The following TRPM6 variants were observed in gnomAD, a reference collection of about 807,000 sequenced individuals.
TRPM6 encodes the protein channel kinase 2.
TRPM6 carries 111 observed loss-of-function variants against 247.6 expected under a neutral mutation model. The ratio of observed to expected loss-of-function variants is 0.45; its 90% CI spans 0.38 to 0.52. The LOEUF (loss-of-function observed/expected upper bound fraction) is 0.52. Ranked by LOEUF, TRPM6 falls within the 20% of genes least tolerant of loss-of-function variation. The pLI, the probability that TRPM6 is intolerant of heterozygous loss-of-function variation, is 0.00. For synonymous variants in TRPM6, 892 were observed against 853.8 expected, an observed-to-expected ratio of 1.04 and a Z score of -0.78; for missense variants, 2,126 against 2,421.5, an observed-to-expected ratio of 0.88 and a Z score of 2.56.
intron 25 of TRPM6, among the ~76,000 whole-genome samples, chr9:74,764,678 G>C (rs1320458889): frequency 3.3e-5 from 5 of 152,184 alleles, no homozygotes; most frequent in Non-Finnish European, 7.3e-5. Context: ...AACTTCATGA[G>C]TGATGGAATA....
At chr9:74,810,368 G>T (rs913596442) in intron 13 of TRPM6, among the ~76,000 whole-genome samples, 6 of 152,140 alleles carry the variant, frequency 3.9e-5, no homozygotes, top group African/African-American at 1.4e-4. Context: ...TGACTGCCTA[G>T]AACAATGCAG....
chr9:74,837,532 C>T (rs1204358715), intron 5 of TRPM6, among the ~76,000 whole-genome samples: 6 of 151,940 alleles, frequency 3.9e-5, no homozygotes, highest in East Asian at 3.9e-4. Flanking sequence ...CTGCAACCTC[C>T]GCCTCCTGGG....
intron 5 of TRPM6, among the ~76,000 whole-genome samples, chr9:74,839,407 G>A (rs541142452): frequency 4.1e-4 from 63 of 152,196 alleles, no homozygotes; most frequent in African/African-American, 1.5e-3. Context: ...TGATTGAGAC[G>A]GTGAGTGTTT....
chr9:74,832,455 T>C (rs2118109626), intron 6 of TRPM6, among the ~76,000 whole-genome samples: 1 of 152,316 alleles, frequency 6.6e-6, no homozygotes, highest in African/African-American at 2.4e-5. Flanking sequence ...TTGACTAGAC[T>C]GGATAGTCAG....
In TRPM6 at chr9:74,858,952, G is replaced by A. The variant is rs569801878; in HGVS notation, c.34-204C>T. 5.7e-4 allele frequency among the ~76,000 whole-genome samples: 87 copies of A among 152,270 alleles called. 1 individual carries two copies. Among genetic ancestry groups the A allele is most frequent in the Admixed American group, 5.2e-3 (79 of 15,286 alleles). ...GCCAAATGTGAACATTAAACGACAC[G>A]CAAAGTGAATATGCCCATAATCTCA... is the stretch of plus-strand genomic sequence containing the variant. On this transcript the variant is annotated intron_variant, in intron 1 of 38. Transcript: ENST00000360774.
chr9:74,765,090 T>C (rs72730942), intron 25 of TRPM6, among the ~76,000 whole-genome samples: 2,672 of 152,286 alleles, frequency 0.018, 40 homozygotes, highest in Non-Finnish European at 0.023. Context: ...AAAGGAAACA[T>C]AATCTTACTA....
intron 16 of TRPM6, 124 bp downstream of exon 16, chr9:74,801,774 G>C: frequency 8.4e-7 from 1 of 1,190,772 alleles, no homozygotes; most frequent in Non-Finnish European, 1.2e-6. Flanking sequence ...TTTAACAGGA[G>C]AGTCCATAAA....
In TRPM6 at chr9:74,752,303, T is replaced by G. The variant is rs779828405; in HGVS notation, c.4972A>C (p.Ser1658Arg). Residue 1658 changes from serine to arginine, a missense_variant, in exon 29 of 39, where the codon AGT becomes CGT. This residue lies in a region of TRPM6 where 717 missense variants were observed against 715.9 expected (regional missense o/e 1.00). Transcript: ENST00000360774. ...TCTTGAGACTGCTTTAGGTAATCACTGATTTGTATAGCACATTGTCCAATT... is the reference window on the plus strand; with the variant it reads ...TCTTGAGACTGCTTTAGGTAATCACGGATTTGTATAGCACATTGTCCAATT... ...KEIGQCAIQI[S>R]DYLKQSQEDL... The G allele has an allele frequency of 6.2e-7, 1 of 1,600,758 alleles. No homozygotes were observed. The highest frequency in any genetic ancestry group is 1.3e-5 in the African/African-American group (1 of 74,904).
chr9:74,816,996 T>C (rs1385889013), intron 9 of TRPM6, 32 bp from the exon 10 acceptor site: 1 of 1,569,824 alleles, frequency 6.4e-7, no homozygotes, highest in Admixed American at 1.7e-5. Context: ...AGCCATACAT[T>C]TGGGGAACTA....
At chr9:74,788,503 C>T (rs1827774425) in intron 20 of TRPM6, 111 bp downstream of exon 20, 6 of 1,307,792 alleles carry the variant, frequency 4.6e-6, no homozygotes, top group Non-Finnish European at 6.6e-6. Context: ...GTCCTGTCTT[C>T]CCCCACCCTT....
At chr9:74,776,205 C>T (rs1030548057) in intron 23 of TRPM6, 129 bp from the exon 24 acceptor site, 15 of 791,456 alleles carry the variant, frequency 1.9e-5, no homozygotes, top group Non-Finnish European at 3.3e-5. Flanking sequence ...CAAATACTAT[C>T]CACGTGTTTA....
intron 1 of TRPM6, among the ~76,000 whole-genome samples, chr9:74,867,645 T>C (rs1830890525): frequency 6.6e-6 from 1 of 152,184 alleles, no homozygotes; most frequent in Non-Finnish European, 1.5e-5. Flanking sequence ...CCAACTTTAA[T>C]GCCTACCACA....
chr9:74,738,503 T>C lies in TRPM6; in HGVS notation c.5680A>G (p.Ile1894Val). Reference sequence around the variant, plus strand: ...TCCTCCAGGGTGTTGGTGGGGGTGATTTCATCACCATTGTTGTTGTTATAC... The same window carrying C: ...TCCTCCAGGGTGTTGGTGGGGGTGACTTCATCACCATTGTTGTTGTTATAC... ...RKYNNNNGDEITPTNTLEELM... is the reference protein window; with the variant it reads ...RKYNNNNGDEVTPTNTLEELM... Residue 1894 changes from isoleucine to valine, a missense_variant, in exon 36 of 39, where the codon ATC becomes GTC. Ile to Val is a conservative substitution (Grantham distance 29). Around this residue, in one of 3 missense-constraint regions of TRPM6, gnomAD observed 327 missense variants for 397.7 expected, o/e 0.82. Coordinates refer to ENST00000360774, the MANE Select transcript of TRPM6 (RefSeq NM_017662.5). 4 of 1,614,118 alleles carry C rather than the reference T, an allele frequency of 2.5e-6. No homozygotes were observed. The highest frequency in any genetic ancestry group is 3.4e-6 in the Non-Finnish European group (4 of 1,180,000).
intron 20 of TRPM6, 130 bp from the exon 21 acceptor site, chr9:74,786,255 C>T (rs1174774753): frequency 2.2e-5 from 21 of 948,866 alleles, no homozygotes; most frequent in South Asian, 1.2e-4. Context: ...AAATCACTTG[C>T]GGATTTCAGA....
At chr9:74,776,400 T>A (rs1466537222) in intron 23 of TRPM6, among the ~76,000 whole-genome samples, 1 of 152,124 alleles carries the variant, frequency 6.6e-6, no homozygotes, top group Non-Finnish European at 1.5e-5. Flanking sequence ...TCTTCTCACA[T>A]AAGAAGCTCT....
intron 30 of TRPM6, among the ~76,000 whole-genome samples, chr9:74,749,403 G>C (rs1193912537): frequency 2.0e-5 from 3 of 152,190 alleles, no homozygotes; most frequent in African/African-American, 7.2e-5. Flanking sequence ...AGCAGTTGTT[G>C]TTTTTTAATT....
chr9:74,801,853 TAAG>T (rs758794670), intron 16 of TRPM6, 42 bp downstream of exon 16: 17 of 1,608,058 alleles, frequency 1.1e-5, no homozygotes, highest in Non-Finnish European at 1.4e-5. Context: ...CTAACCATTC[TAAG>T]AAGTGTTGAT....
intron 1 of TRPM6, chr9:74,887,105 C>T: frequency 1.9e-6 from 1 of 516,442 alleles, no homozygotes; most frequent in African/African-American, 2.0e-5. Context: ...CCTCTCCAAG[C>T]CCCCAGAACT....
intron 18 of TRPM6, among the ~76,000 whole-genome samples, chr9:74,795,154 T>C (rs1400274982): frequency 1.3e-5 from 2 of 152,114 alleles, no homozygotes; most frequent in Non-Finnish European, 2.9e-5. Flanking sequence ...AAGACCCTCT[T>C]CCTCTCCACG....
Sources: allele counts gnomAD v4.1 joint callset (sites outside exome capture counted in the v4.1 genomes callset), GRCh38; gene constraint gnomAD v4.1.1; regional missense constraint gnomAD v4.1.1; transcripts MANE v1.5; gene names NCBI Gene and HGNC (gene_info 2026-07-23, HGNC 2026-07-21).